Variants in CALB2 observed in about 807,000 individuals in gnomAD.
CALB2 encodes calretinin.
A neutral mutation model predicts 45.9 loss-of-function variants in CALB2; 34 were observed. The ratio of observed to expected loss-of-function variants is 0.74; its 90% confidence interval spans 0.56 to 0.99. CALB2 has a LOEUF of 0.99. CALB2 is among the 50% of genes least tolerant of loss of function. The pLI is 0.00. For missense variants in CALB2, 344 were observed against 339.3 expected (o/e 1.01, Z -0.11); for synonymous variants, 142 against 129.6 (o/e 1.10, Z -0.65).
chr16:71,387,159 C>G (rs574166331), intron 10 of CALB2, among the ~76,000 whole-genome samples: 9 of 152,332 alleles, frequency 5.9e-5, no homozygotes, highest in Admixed American at 5.2e-4. Flanking sequence ...CATTAAATCT[C>G]AGAGTGACCT....
chr16:71,364,840 C>G (rs1484768496), intron 1 of CALB2, among the ~76,000 whole-genome samples: 3 of 152,110 alleles, frequency 2.0e-5, no homozygotes, highest in Non-Finnish European at 4.4e-5. Flanking sequence ...GTGTGTGTGT[C>G]AGAGAGAGAA....
chr16:71,385,458 G>T, intron 9 of CALB2, 119 bp from the exon 10 acceptor site: 2 of 726,824 alleles, frequency 2.8e-6, no homozygotes, highest in Admixed American at 2.7e-5. Context: ...TACACGATCT[G>T]AACACCCCCT....
chr16:71,379,573 T>A (rs1048496449), intron 4 of CALB2, among the ~76,000 whole-genome samples: 1 of 152,218 alleles, frequency 6.6e-6, no homozygotes, highest in East Asian at 1.9e-4. Flanking sequence ...CCATTCAGCA[T>A]ATGCATCCCT....
rs1567541481 is a variant in CALB2 at position 71,380,283 on chromosome 16, CTTCCTT to C, written c.343-2432_343-2427del. Among the ~76,000 whole-genome samples, 11 of 110,086 alleles carry C rather than the reference CTTCCTT, an allele frequency of 1.0e-4. No individual in the cohort carries two copies. The East Asian group carries it at 1.5e-3, about 15-fold the overall frequency. 72.2% of individuals were successfully genotyped at this position (110,086 alleles called of 152,430 possible). ...CTTTCTTTTCTTTCTTTCTTCTTTC[CTTCCTT>C]TTCTTTTTTTTTTTTTTTTTTTTTT... On this transcript the variant is annotated intron_variant, in intron 4 of 10. Coordinates refer to ENST00000302628, the MANE Select transcript of CALB2 (RefSeq NM_001740.5).
chr16:71,367,836 C>G (rs2042305318), intron 1 of CALB2, among the ~76,000 whole-genome samples: 1 of 152,264 alleles, frequency 6.6e-6, no homozygotes, highest in Admixed American at 6.5e-5. Context: ...GGGGGTTCCT[C>G]CTGCCCCGGG....
chr16:71,385,686 G>A (rs752618307), intron 10 of CALB2, 38 bp downstream of exon 10: 2 of 1,576,150 alleles, frequency 1.3e-6, no homozygotes, highest in Admixed American at 1.7e-5. Context: ...ACTGTCCCCA[G>A]GGCACAGGAG....
chr16:71,380,440 C>T (rs1265225468), intron 4 of CALB2, among the ~76,000 whole-genome samples: 1 of 146,000 alleles, frequency 6.8e-6, no homozygotes, highest in Non-Finnish European at 1.5e-5. Flanking sequence ...TCCCGCCGAG[C>T]TCGGATTACA....
At chr16:71,388,950 A>G (rs564730959) in intron 10 of CALB2, among the ~76,000 whole-genome samples, 1 of 150,704 alleles carries the variant, frequency 6.6e-6, no homozygotes, top group East Asian at 2.0e-4. Context: ...GTGAGCCAAG[A>G]TCACGTCACT....
At chr16:71,371,780 C>A (rs1333533383) in intron 1 of CALB2, among the ~76,000 whole-genome samples, 2 of 152,176 alleles carry the variant, frequency 1.3e-5, no homozygotes, top group African/African-American at 4.8e-5. Flanking sequence ...ACCTTCTGAA[C>A]TCCAGGGACC....
At chr16:71,384,057 T>C (rs771009113) in intron 7 of CALB2, 32 bp downstream of exon 7, 8 of 1,603,696 alleles carry the variant, frequency 5.0e-6, no homozygotes, top group Non-Finnish European at 6.8e-6. Context: ...TCACTGATAC[T>C]GGCTCCCACA....
At chr16:71,388,007 C>A (rs2042589354) in intron 10 of CALB2, among the ~76,000 whole-genome samples, 1 of 149,832 alleles carries the variant, frequency 6.7e-6, no homozygotes, top group Non-Finnish European at 1.5e-5. Context: ...CCAGTGAAAT[C>A]ATTAGACTTC....
At chr16:71,386,604 C>T (rs1198623903) in intron 10 of CALB2, among the ~76,000 whole-genome samples, 2 of 152,196 alleles carry the variant, frequency 1.3e-5, no homozygotes, top group Non-Finnish European at 2.9e-5. Context: ...TCAGGTGGAA[C>T]GGCAGCCAGG....
intron 3 of CALB2, among the ~76,000 whole-genome samples, chr16:71,377,030 A>C (rs1049412218): frequency 6.6e-6 from 1 of 152,176 alleles, no homozygotes; most frequent in African/African-American, 2.4e-5. Context: ...CACTTCACCA[A>C]CGTAGACTCA....
At chr16:71,389,659 TG>T in intron 10 of CALB2, 89 bp from the exon 11 acceptor site, 1 of 860,654 alleles carries the variant, frequency 1.2e-6, no homozygotes, top group African/African-American at 1.6e-5. Flanking sequence ...GAGAAAGGTG[TG>T]GGTGTTTGTG....
At chr16:71,372,876 G>A (rs114152149) in intron 2 of CALB2, among the ~76,000 whole-genome samples, 2,934 of 152,250 alleles carry the variant, frequency 0.019, 101 homozygotes, top group African/African-American at 0.065. Context: ...CCCCAGCAAG[G>A]AACTAGAGGA....
chr16:71,384,907 T>C, intron 9 of CALB2, 71 bp downstream of exon 9: 1 of 1,334,756 alleles, frequency 7.5e-7, no homozygotes, highest in East Asian at 2.3e-5. Flanking sequence ...CTCAGCTTCA[T>C]CCCTGGGAAG....
intron 2 of CALB2, among the ~76,000 whole-genome samples, chr16:71,373,279 G>A (rs1247540177): frequency 1.3e-5 from 2 of 152,124 alleles, no homozygotes; most frequent in Admixed American, 1.3e-4. Context: ...TTTGGGAGAT[G>A]AGTCACAAAT....
chr16:71,369,385 C>T (rs1160301522), intron 1 of CALB2, among the ~76,000 whole-genome samples: 1 of 152,142 alleles, frequency 6.6e-6, no homozygotes, highest in Non-Finnish European at 1.5e-5. Context: ...AAAGGCCAGT[C>T]ACTCTGCCGC....
intron 5 of CALB2, among the ~76,000 whole-genome samples, chr16:71,383,151 G>A (rs1229795709): frequency 3.9e-5 from 6 of 152,094 alleles, no homozygotes; most frequent in East Asian, 1.9e-4. Flanking sequence ...AATCTCTAGC[G>A]CCTATTCTGT....
Sources: allele counts gnomAD v4.1 joint callset (sites outside exome capture counted in the v4.1 genomes callset), GRCh38; gene constraint gnomAD v4.1.1; transcripts MANE v1.5; gene names NCBI Gene and HGNC (gene_info 2026-07-23, HGNC 2026-07-21).